BCR: variants seen among roughly 807,000 people sequenced by gnomAD.
BCR encodes breakpoint cluster region protein.
In BCR, 58 loss-of-function variants were observed where a neutral mutation model predicts 138.6. The ratio of observed to expected loss-of-function variants is 0.42; its 90% confidence interval spans 0.34 to 0.52. The LOEUF (loss-of-function observed/expected upper bound fraction) is 0.52. Among genes scored for constraint, BCR ranks in the 20% least tolerant of loss-of-function variants. The probability of loss-of-function intolerance (pLI) is 0.06; values close to 1 mark genes in which losing one functional copy is unlikely to be tolerated. For missense variants in BCR, 1,599 were observed against 1,727.2 expected (o/e 0.93, Z 1.32); for synonymous variants, 786 against 730.1 (o/e 1.08, Z -1.23).
intron 1 of BCR, among the ~76,000 whole-genome samples, chr22:23,215,767 T>C (rs918832030): frequency 2.0e-5 from 3 of 152,104 alleles, no homozygotes; most frequent in African/African-American, 7.2e-5. Flanking sequence ...TGGGGCCTTC[T>C]TCGTGGGTTG....
At chr22:23,297,945 A>G (rs768162109) in intron 16 of BCR, among the ~76,000 whole-genome samples, 2 of 152,220 alleles carry the variant, frequency 1.3e-5, no homozygotes, top group African/African-American at 2.4e-5. Flanking sequence ...CTGTCAGTCT[A>G]GGGGTGCTGG....
At chr22:23,221,971 A>AT (rs2072829430) in intron 1 of BCR, among the ~76,000 whole-genome samples, 1 of 151,302 alleles carries the variant, frequency 6.6e-6, no homozygotes. Context: ...GGCGCCTGTA[A>AT]TTCCAGCTAC....
rs140548685 is a variant in BCR, at chr22:23,246,517, T to C, written c.1280-7282T>C. On this transcript the variant is annotated intron_variant, in intron 1 of 22. Transcript: ENST00000305877. ...TTTGATTATACACCTAGGAGGGGAG[T>C]TGCTAAGTCGTAAGGTTATCAATGC... Among the ~76,000 whole-genome samples the C allele has an allele frequency of 1.2e-3, 185 of 152,078 alleles. 1 individual carries two copies. The highest frequency in any genetic ancestry group is 4.3e-3 in the African/African-American group (177 of 41,466).
In BCR at chr22:23,310,325, T is replaced by G. The variant is rs747669084; in HGVS notation, c.3074T>G (p.Ile1025Ser). The change falls in exon 18 of 23, where the codon ATC becomes AGC. Residue 1025 changes from isoleucine (I) to serine (S), a missense_variant and splice_region_variant. Physicochemically the swap from Ile to Ser is moderately radical, Grantham distance 142. Transcript: ENST00000305877. ...CTGTGCCCCTTCTCCCTACTGTAGA[T>G]CGAAGTAAAGCTCTCGGTCAAGTTC... ...WQRTVIAMNG[I>S]EVKLSVKFNS... is the part of the protein sequence containing the mutation. 7.5e-7 allele frequency: 1 copy of G among 1,336,062 alleles called. No homozygotes were observed. Among genetic ancestry groups the G allele is most frequent in the Admixed American group, 1.9e-5 (1 of 53,782 alleles). 82.8% of individuals were successfully genotyped at this position (1,336,062 alleles called of 1,614,324 possible).
chr22:23,256,595 A>G (rs2073297839), intron 2 of BCR, among the ~76,000 whole-genome samples: 1 of 152,068 alleles, frequency 6.6e-6, no homozygotes, highest in Admixed American at 6.5e-5. Flanking sequence ...TCCTTTCTCC[A>G]GCAGCTGTGC....
chr22:23,309,511 C>T (rs2073985585), intron 17 of BCR, 28 bp downstream of exon 17: 3 of 1,566,030 alleles, frequency 1.9e-6, no homozygotes, highest in Non-Finnish European at 2.6e-6. Flanking sequence ...TCTCCTGGTG[C>T]CCACTTCCCC....
chr22:23,215,880 A>G (rs2146225114), intron 1 of BCR, among the ~76,000 whole-genome samples: 1 of 152,220 alleles, frequency 6.6e-6, no homozygotes, highest in East Asian at 1.9e-4. Flanking sequence ...CAGTTAATCC[A>G]GGAGTTAGAT....
chr22:23,249,855 G>A (rs1276614535), intron 1 of BCR, among the ~76,000 whole-genome samples: 1 of 152,172 alleles, frequency 6.6e-6, no homozygotes, highest in African/African-American at 2.4e-5. Flanking sequence ...GGATGAGCAG[G>A]CCATCTGGAA....
chr22:23,190,520 A>G (rs1255161123), intron 1 of BCR, among the ~76,000 whole-genome samples: 1 of 152,210 alleles, frequency 6.6e-6, no homozygotes, highest in Non-Finnish European at 1.5e-5. Context: ...GGTGGGCAGT[A>G]AAGACCCCTG....
In BCR at chr22:23,181,555, C is replaced by T. The variant is rs762204157; in HGVS notation, c.595C>T (p.Arg199Cys). 16 of 1,612,978 alleles carry T rather than the reference C, an allele frequency of 9.9e-6. No individual in the cohort carries two copies. In the South Asian group the frequency reaches 1.5e-4, roughly 15 times the overall value. Residue 199 changes from arginine (R) to cysteine (C), a missense_variant, in exon 1 of 23, where the codon CGC becomes TGC. Arg to Cys is a radical substitution (Grantham distance 180, BLOSUM62 -3). This residue lies in a region of BCR where 806 missense variants were observed against 635.0 expected (regional missense o/e 1.27). Transcript: ENST00000305877. ...VKVNDKEVSD[R>C]ISSLGSQAMQ... Reference sequence around the variant, plus strand: ...GGTCAACGACAAAGAGGTGTCGGACCGCATCAGCTCCCTGGGCAGCCAGGC... The same window carrying T: ...GGTCAACGACAAAGAGGTGTCGGACTGCATCAGCTCCCTGGGCAGCCAGGC...
chr22:23,277,829 C>G (rs1368980701), intron 8 of BCR, among the ~76,000 whole-genome samples: 2 of 152,206 alleles, frequency 1.3e-5, no homozygotes, highest in Non-Finnish European at 2.9e-5. Flanking sequence ...CTTTGGGGAA[C>G]AGTGACTTTG....
At chr22:23,263,443 G>A (rs899477467) in intron 4 of BCR, 90 of 1,391,238 alleles carry the variant, frequency 6.5e-5, no homozygotes, top group Middle Eastern at 1.8e-4. Context: ...GGGTGCTGCC[G>A]AGAGGGGATT....
At chr22:23,288,663 C>T (rs963493726) in intron 12 of BCR, among the ~76,000 whole-genome samples, 2 of 152,244 alleles carry the variant, frequency 1.3e-5, no homozygotes, top group Non-Finnish European at 2.9e-5. Flanking sequence ...GCTGGGCCCA[C>T]TTGGGCATTC....
intron 1 of BCR, among the ~76,000 whole-genome samples, chr22:23,248,436 G>A (rs1408481469): frequency 1.3e-5 from 2 of 151,898 alleles, no homozygotes; most frequent in Admixed American, 1.3e-4. Flanking sequence ...TTTTTTGAAA[G>A]ATTTTTTTTT....
chr22:23,244,306 A>C (rs765395982), intron 1 of BCR, among the ~76,000 whole-genome samples: 1 of 152,224 alleles, frequency 6.6e-6, no homozygotes, highest in African/African-American at 2.4e-5. Context: ...ACTTCATTAC[A>C]TCTGCAAAAA....
At position 23,181,416 on chromosome 22, in the gene BCR, G is replaced by A; in HGVS notation, c.456G>A (p.Ala152=). Residue 152 remains alanine, a synonymous_variant, in exon 1 of 23, where the codon GCG becomes GCA. Transcript: ENST00000305877. ...ACCGGGGACCCCCCGCCAGCGTGGC[G>A]GCGCTCAGGTCCAACTTCGAGCGGA... The part of the protein sequence containing the change: ...RDDRGPPASV[A]ALRSNFERIR... The A allele has an allele frequency of 1.3e-6, 2 of 1,575,124 alleles. No homozygotes were observed. The highest frequency in any genetic ancestry group is 8.6e-7 in the Non-Finnish European group (1 of 1,159,230).
At chr22:23,267,141 G>A (rs1052971745) in intron 4 of BCR, among the ~76,000 whole-genome samples, 4 of 152,164 alleles carry the variant, frequency 2.6e-5, no homozygotes, top group Admixed American at 6.5e-5. Flanking sequence ...TGTCTGAATT[G>A]TTTACCACTG....
chr22:23,231,773 T>G (rs1472449394), intron 1 of BCR, among the ~76,000 whole-genome samples: 1 of 152,196 alleles, frequency 6.6e-6, no homozygotes, highest in Non-Finnish European at 1.5e-5. Context: ...GGCCTGTGAG[T>G]TATGTCCCCA....
intron 1 of BCR, among the ~76,000 whole-genome samples, chr22:23,201,094 C>T (rs1483452627): frequency 6.6e-6 from 1 of 152,208 alleles, no homozygotes; most frequent in Non-Finnish European, 1.5e-5. Flanking sequence ...TGGCAGAGGC[C>T]AAGGGCAGCA....
Sources: allele counts gnomAD v4.1 joint callset (sites outside exome capture counted in the v4.1 genomes callset), GRCh38; gene constraint gnomAD v4.1.1; regional missense constraint gnomAD v4.1.1; transcripts MANE v1.5; gene names NCBI Gene and HGNC (gene_info 2026-07-23, HGNC 2026-07-21).